PRKAR2A: variants seen among roughly 807,000 people sequenced by gnomAD.
PRKAR2A encodes the protein cAMP-dependent protein kinase type II-alpha regulatory subunit.
A neutral mutation model predicts 51.9 loss-of-function variants in PRKAR2A; 29 were observed. That is an observed-to-expected ratio of 0.56 (90% CI 0.42 to 0.76). PRKAR2A has a LOEUF of 0.76. Ranked by LOEUF, PRKAR2A falls within the 30% of genes least tolerant of loss-of-function variation. PRKAR2A has a pLI of 0.00. For missense variants in PRKAR2A, 445 were observed against 512.1 expected, an observed-to-expected ratio of 0.87 and a Z score of 1.26; for synonymous variants, 178 against 186.2, an observed-to-expected ratio of 0.96 and a Z score of 0.36.
In PRKAR2A at chr3:48,829,871, A is replaced by ATTT. The variant is rs763726926; in HGVS notation, c.262+17461_262+17463dup. Among the ~76,000 whole-genome samples the ATTT allele has an allele frequency of 4.3e-3, 376 of 87,722 alleles. 9 individuals carry two copies. Among genetic ancestry groups the ATTT allele is most frequent in the African/African-American group, 0.018 (342 of 18,680 alleles). 57.5% of individuals were successfully genotyped at this position (87,722 alleles called of 152,430 possible). A position where few individuals can be genotyped will look rare whatever the true frequency, so the allele number is the denominator to read the frequency against. On this transcript the variant is annotated intron_variant, in intron 1 of 10. Coordinates refer to ENST00000265563, the MANE Select transcript of PRKAR2A (RefSeq NM_004157.4). The stretch of plus-strand genomic sequence containing the variant: ...TGTATATATATATATATATATATAT[A>ATTT]TTTTTTTTTTTTTTTTAAGCTTTTT...
At chr3:48,844,845 G>T (rs2083437343) in intron 1 of PRKAR2A, among the ~76,000 whole-genome samples, 1 of 122,972 alleles carries the variant, frequency 8.1e-6, no homozygotes, top group African/African-American at 3.0e-5. Context: ...TGTGGGGTGG[G>T]GGGAGGGATA....
intron 1 of PRKAR2A, among the ~76,000 whole-genome samples, chr3:48,843,325 GT>G (rs2107471275): frequency 6.6e-6 from 1 of 151,770 alleles, no homozygotes; most frequent in South Asian, 2.1e-4. Context: ...CTTGCTAGTG[GT>G]CTATCAATTT....
chr3:48,769,098 T>C (rs2081984045), intron 6 of PRKAR2A, among the ~76,000 whole-genome samples: 1 of 150,248 alleles, frequency 6.7e-6, no homozygotes, highest in Admixed American at 6.6e-5. Context: ...AGAGTCCATC[T>C]CAAAAACAAC....
intron 5 of PRKAR2A, among the ~76,000 whole-genome samples, chr3:48,774,636 G>C (rs980289621): frequency 6.6e-6 from 1 of 152,002 alleles, no homozygotes; most frequent in African/African-American, 2.4e-5. Context: ...CTATGTCTAC[G>C]ATATCAATGT....
At chr3:48,792,560 C>T (rs1309108241) in intron 3 of PRKAR2A, among the ~76,000 whole-genome samples, 1 of 142,614 alleles carries the variant, frequency 7.0e-6, no homozygotes, top group Non-Finnish European at 1.5e-5. Context: ...CTCCCAGGTT[C>T]AAGCGATTCT....
intron 1 of PRKAR2A, among the ~76,000 whole-genome samples, chr3:48,830,414 C>T (rs947236214): frequency 1.3e-5 from 2 of 151,996 alleles, no homozygotes; most frequent in Non-Finnish European, 2.9e-5. Context: ...TCTGGAATAC[C>T]ATTTGAAGGA....
chr3:48,847,081 C>G lies in PRKAR2A; in HGVS notation c.262+254G>C, dbSNP rs2083474973. Among the ~76,000 whole-genome samples, 1 of 152,236 alleles carries G rather than the reference C, an allele frequency of 6.6e-6. No homozygotes were observed. The highest frequency in any genetic ancestry group is 2.4e-5 in the African/African-American group (1 of 41,472). On this transcript the variant is annotated intron_variant, in intron 1 of 10. Transcript: ENST00000265563. This position sits in a 1 kb window ranked among gnomAD's most constrained non-coding sequence, Gnocchi z 4.4. The stretch of plus-strand genomic sequence containing the variant: ...ATCCTCTAGCAGGGCCGACAGCGCG[C>G]ACGTTTCCTTCAAGGCTGGATCTGA...
At chr3:48,805,516 T>C (rs377736279) in intron 2 of PRKAR2A, among the ~76,000 whole-genome samples, 1 of 152,320 alleles carries the variant, frequency 6.6e-6, no homozygotes, top group East Asian at 1.9e-4. Context: ...GGATCCATGC[T>C]ACCTATGGGC....
intron 8 of PRKAR2A, among the ~76,000 whole-genome samples, chr3:48,764,304 G>T (rs979318227): frequency 6.6e-6 from 1 of 152,132 alleles, no homozygotes; most frequent in African/African-American, 2.4e-5. Flanking sequence ...TACAAATTTG[G>T]TTAATCACTG....
At chr3:48,763,901 A>G (rs1020655816) in intron 8 of PRKAR2A, among the ~76,000 whole-genome samples, 2 of 152,236 alleles carry the variant, frequency 1.3e-5, no homozygotes, top group Non-Finnish European at 2.9e-5. Flanking sequence ...GAAAACAAAT[A>G]CATTTAGAGA....
intron 8 of PRKAR2A, among the ~76,000 whole-genome samples, chr3:48,758,069 A>AATACATACATGCATAC (rs1365589142): frequency 6.6e-6 from 1 of 151,512 alleles, no homozygotes; most frequent in African/African-American, 2.4e-5. Context: ...AAATAAATAA[A>AATACATACATGCATAC]ATACATACAT....
chr3:48,767,375 A>G (rs1453760290), intron 6 of PRKAR2A, among the ~76,000 whole-genome samples: 1 of 152,132 alleles, frequency 6.6e-6, no homozygotes, highest in East Asian at 1.9e-4. Context: ...GCTTCTTGGG[A>G]CGCTGAGACA....
At chr3:48,797,837 T>C (rs575236537) in intron 2 of PRKAR2A, among the ~76,000 whole-genome samples, 1 of 152,320 alleles carries the variant, frequency 6.6e-6, no homozygotes, top group South Asian at 2.1e-4. Context: ...ATATAGGTAA[T>C]GACTCACTAT....
chr3:48,762,174 C>T (rs571511943), intron 8 of PRKAR2A, among the ~76,000 whole-genome samples: 4 of 152,150 alleles, frequency 2.6e-5, no homozygotes, highest in African/African-American at 9.6e-5. Flanking sequence ...AATCCCAGCA[C>T]TTAGAAGGCC....
chr3:48,832,304 A>G lies in PRKAR2A; in HGVS notation c.262+15031T>C, dbSNP rs539751555. ...AGTGAAAAACTTCATCTCAAAAAAA[A>G]AAAAAACAAAAAAAAACAAAACTGC... On this transcript the variant is annotated intron_variant, in intron 1 of 10. Transcript: ENST00000265563. Among the ~76,000 whole-genome samples, 4 of 150,852 alleles carry G rather than the reference A, an allele frequency of 2.7e-5. No homozygotes were observed. The East Asian group carries it at 7.8e-4, about 29-fold the overall frequency.
chr3:48,812,583 C>T (rs1012031443), intron 1 of PRKAR2A, among the ~76,000 whole-genome samples: 4 of 151,140 alleles, frequency 2.6e-5, no homozygotes, highest in Admixed American at 6.6e-5. Flanking sequence ...CCCAGGTTCA[C>T]GCCATTCTCC....
At chr3:48,759,268 T>C (rs892279200) in intron 8 of PRKAR2A, among the ~76,000 whole-genome samples, 1 of 151,950 alleles carries the variant, frequency 6.6e-6, no homozygotes, top group Admixed American at 6.6e-5. Flanking sequence ...TGTCCAGTGG[T>C]GGATATTCTG....
intron 4 of PRKAR2A, among the ~76,000 whole-genome samples, chr3:48,783,864 A>T (rs1305321349): frequency 6.6e-6 from 1 of 152,202 alleles, no homozygotes; most frequent in Non-Finnish European, 1.5e-5. Flanking sequence ...TACAGACGTG[A>T]GCCACCACGT....
intron 6 of PRKAR2A, among the ~76,000 whole-genome samples, chr3:48,769,480 CTT>C (rs540463001): frequency 7.0e-6 from 1 of 142,488 alleles, no homozygotes. Flanking sequence ...CTTACAGCGA[CTT>C]TTTTTTTTTT....
Sources: gnomAD v4.1 joint callset for allele counts (sites outside exome capture counted in the v4.1 genomes callset) on GRCh38, gnomAD v4.1.1 for gene constraint, Gnocchi (gnomAD v3.1) non-coding constraint, MANE v1.5 for transcripts, NCBI Gene and HGNC (gene_info 2026-07-23, HGNC 2026-07-21) for gene names.